MAOB: variants seen among roughly 807,000 people sequenced by gnomAD.
MAOB encodes monoamine oxidase B, also known as amine oxidase [flavin-containing] B.
In MAOB, 15 loss-of-function variants were observed where a neutral mutation model predicts 41.9. That is an observed-to-expected ratio of 0.36 (90% CI 0.24 to 0.55). The LOEUF (loss-of-function observed/expected upper bound fraction) is 0.55, where lower values mean the gene tolerates loss of function less well. MAOB is among the 20% of genes least tolerant of loss of function. The pLI, the probability that MAOB is intolerant of heterozygous loss-of-function variation, is 0.86. For missense variants in MAOB, 345 were observed against 398.7 expected (o/e 0.87, Z 1.15); for synonymous variants, 167 against 144.2 (o/e 1.16, Z -1.13).
chrX:43,869,305 C>CT (rs909998188), intron 1 of MAOB, among the ~76,000 whole-genome samples: 1 of 111,789 alleles, frequency 8.9e-6, no homozygotes, highest in African/African-American at 3.3e-5. Flanking sequence ...CACCCTCTGA[C>CT]TTTTTTCTAT....
chrX:43,814,254 G>A (rs1001070272), intron 3 of MAOB, among the ~76,000 whole-genome samples: 1 of 111,432 alleles, frequency 9.0e-6, no homozygotes, highest in African/African-American at 3.3e-5. Context: ...AAAGAAGGTG[G>A]CTGCCAGGAA....
chrX:43,805,753 G>A (rs1376146882), intron 3 of MAOB, among the ~76,000 whole-genome samples: 1 of 111,753 alleles, frequency 8.9e-6, no homozygotes, highest in East Asian at 2.8e-4. Flanking sequence ...GTCTTTTTGT[G>A]TACATATGTT....
At chrX:43,869,085 C>A (rs767372276) in intron 1 of MAOB, among the ~76,000 whole-genome samples, 5 of 111,535 alleles carry the variant, frequency 4.5e-5, no homozygotes, top group African/African-American at 1.6e-4. Flanking sequence ...CTTTTACAGA[C>A]CCTTCCATAA....
chrX:43,793,066 A>T (rs1379982047), intron 8 of MAOB, among the ~76,000 whole-genome samples: 1 of 112,320 alleles, frequency 8.9e-6, no homozygotes, highest in East Asian at 2.8e-4. Flanking sequence ...ATCCTAAGTG[A>T]ATCAATGTAG....
At chrX:43,843,365 A>T (rs1367177749) in intron 2 of MAOB, among the ~76,000 whole-genome samples, 64 of 73,974 alleles carry the variant, frequency 8.7e-4, no homozygotes, top group African/African-American at 5.3e-3. Context: ...TCTCACACAC[A>T]CACACACACA....
At chrX:43,789,075 T>C (rs2034433723) in intron 8 of MAOB, among the ~76,000 whole-genome samples, 1 of 112,028 alleles carries the variant, frequency 8.9e-6, no homozygotes, top group South Asian at 3.7e-4. Context: ...AAATACATCT[T>C]ATACACATAG....
At chrX:43,856,359 C>T (rs1469579074) in intron 1 of MAOB, among the ~76,000 whole-genome samples, 2 of 112,775 alleles carry the variant, frequency 1.8e-5, no homozygotes, top group Non-Finnish European at 3.7e-5. Context: ...GCTGGGATTA[C>T]AGGCATGAGC....
Position 43,775,156 on chromosome X carries a change from T to C in MAOB, c.1235+19A>G. 8.6e-7 allele frequency: 1 copy of C among 1,166,635 alleles called. No homozygotes were observed. Among genetic ancestry groups the C allele is most frequent in the Non-Finnish European group, 1.1e-6 (1 of 875,169 alleles). ...GGTGCAGGGGATTTCTGTAACAGCTTAGCATGCTTTTACTCTACCTTCCAT... is the reference window on the plus strand; with the variant it reads ...GGTGCAGGGGATTTCTGTAACAGCTCAGCATGCTTTTACTCTACCTTCCAT... On this transcript the variant is annotated intron_variant, in intron 12 of 14. Coordinates refer to ENST00000378069, the MANE Select transcript of MAOB (RefSeq NM_000898.5).
chrX:43,836,594 A>G (rs1231113535), intron 3 of MAOB, among the ~76,000 whole-genome samples: 1 of 112,206 alleles, frequency 8.9e-6, no homozygotes, highest in Admixed American at 9.4e-5. Context: ...ATGCACTGTT[A>G]TTTCCCATTT....
At chrX:43,815,199 C>T (rs963062626) in intron 3 of MAOB, among the ~76,000 whole-genome samples, 3 of 112,008 alleles carry the variant, frequency 2.7e-5, no homozygotes, top group African/African-American at 9.7e-5. Flanking sequence ...ATAATGCCCA[C>T]GACTAAAATT....
intron 8 of MAOB, among the ~76,000 whole-genome samples, chrX:43,793,186 AG>A (rs1278344271): frequency 9.0e-6 from 1 of 111,471 alleles, no homozygotes; most frequent in Non-Finnish European, 1.9e-5. Context: ...CTAAAGGGGG[AG>A]GTAAGGAGTA....
At chrX:43,843,603 A>T in intron 2 of MAOB, 67 bp downstream of exon 2, 1 of 1,067,108 alleles carries the variant, frequency 9.4e-7, no homozygotes, top group Non-Finnish European at 1.3e-6. Flanking sequence ...TTGGGGAAAA[A>T]GACAAAAATG....
In MAOB at chrX:43,768,690, T is replaced by C; in HGVS notation, c.1374A>G (p.Pro458=). 2 of 1,210,000 alleles carry C rather than the reference T, an allele frequency of 1.7e-6. No homozygotes were observed. Among genetic ancestry groups the C allele is most frequent in the Non-Finnish European group, 2.2e-6 (2 of 893,915 alleles). Residue 458 remains proline, a synonymous_variant, in exon 14 of 15, where the codon CCA becomes CCG. Transcript: ENST00000378069. ...GTTCTGACTGCCAGATTTCATCCTC[T>C]GGAATCTTCCCCATGGCATGCAGGA... ...REILHAMGKI[P]EDEIWQSEPE...
chrX:43,830,296 C>T (rs150347259), intron 3 of MAOB, among the ~76,000 whole-genome samples: 1,449 of 110,973 alleles, frequency 0.013, 14 homozygotes, highest in Non-Finnish European at 0.021. Context: ...CCTCCTGTCT[C>T]CTGACAGGAG....
chrX:43,847,549 G>A (rs2035216597), intron 1 of MAOB, among the ~76,000 whole-genome samples: 1 of 111,199 alleles, frequency 9.0e-6, no homozygotes, highest in African/African-American at 3.3e-5. Context: ...TACGCAATTA[G>A]TAAGTGGCAG....
chrX:43,845,618 C>A (rs1461999166), intron 1 of MAOB, among the ~76,000 whole-genome samples: 2 of 111,906 alleles, frequency 1.8e-5, no homozygotes, highest in Non-Finnish European at 3.8e-5. Flanking sequence ...ACTGTCTTCC[C>A]CGGACCCCCA....
chrX:43,769,486 G>A, intron 12 of MAOB, 68 bp from the exon 13 acceptor site: 3 of 1,123,357 alleles, frequency 2.7e-6, no homozygotes, highest in Non-Finnish European at 3.5e-6. Flanking sequence ...TTCCCATAAA[G>A]ACCAATGCTG....
chrX:43,801,239 C>G (rs945305408), intron 5 of MAOB, among the ~76,000 whole-genome samples: 2 of 109,965 alleles, frequency 1.8e-5, no homozygotes, highest in Non-Finnish European at 3.8e-5. Flanking sequence ...TTTTGCCTCA[C>G]TTTCTTAAAG....
At chrX:43,849,355 C>T (rs2035233151) in intron 1 of MAOB, among the ~76,000 whole-genome samples, 1 of 112,392 alleles carries the variant, frequency 8.9e-6, no homozygotes, top group Non-Finnish European at 1.9e-5. Flanking sequence ...ATAACAAGCA[C>T]GCCAGCAGCC....
Sources: gnomAD v4.1 joint callset for allele counts (sites outside exome capture counted in the v4.1 genomes callset) on GRCh38, gnomAD v4.1.1 for gene constraint, MANE v1.5 for transcripts, NCBI Gene and HGNC (gene_info 2026-07-23, HGNC 2026-07-21) for gene names.